The following BCKDHB variants were observed in gnomAD, a reference collection of about 807,000 sequenced individuals.
BCKDHB encodes branched chain keto acid dehydrogenase E1 subunit beta.
A neutral mutation model predicts 48.5 loss-of-function variants in BCKDHB; 41 were observed. The ratio of observed to expected loss-of-function variants is 0.85; its 90% CI spans 0.66 to 1.10. The LOEUF (loss-of-function observed/expected upper bound fraction) is 1.10, where lower values mean the gene tolerates loss of function less well. Among genes scored for constraint, BCKDHB ranks in the 50% least tolerant of loss-of-function variants. The pLI is 0.00. For missense variants in BCKDHB, 496 were observed against 494.2 expected, an observed-to-expected ratio of 1.00 and a Z score of -0.03; for synonymous variants, 201 against 174.8, an observed-to-expected ratio of 1.15 and a Z score of -1.18.
chr6:80,460,731 T>G, the BCKDHB span, among the ~76,000 whole-genome samples: 2 of 152,154 alleles, frequency 1.3e-5, no homozygotes, highest in African/African-American at 4.8e-5. Flanking sequence ...CTCAAAACTC[T>G]GCTGAGTTAA....
At chr6:80,372,893 T>A in the BCKDHB span, among the ~76,000 whole-genome samples, 1 of 152,158 alleles carries the variant, frequency 6.6e-6, no homozygotes, top group Admixed American at 6.5e-5. Context: ...TCATCAGGGA[T>A]CTTGGTCTGT....
chr6:80,152,166 T>G (rs937567190), intron 3 of BCKDHB, among the ~76,000 whole-genome samples: 1 of 152,166 alleles, frequency 6.6e-6, no homozygotes, highest in African/African-American at 2.4e-5. Context: ...TATTCTTTTT[T>G]TTTTTAATCT....
At chr6:80,295,949 G>A (rs74730001) in intron 9 of BCKDHB, among the ~76,000 whole-genome samples, 2,444 of 152,242 alleles carry the variant, frequency 0.016, 60 homozygotes, top group African/African-American at 0.056. Flanking sequence ...TAAAATACAG[G>A]AGTATACTTT....
chr6:80,381,046 T>C, the BCKDHB span, among the ~76,000 whole-genome samples: 1 of 152,118 alleles, frequency 6.6e-6, no homozygotes, highest in Middle Eastern at 3.4e-3. Flanking sequence ...TCATATCTTA[T>C]GTCTGGAAGG....
At chr6:80,170,258 C>T (rs979075630) in intron 5 of BCKDHB, among the ~76,000 whole-genome samples, 1 of 152,084 alleles carries the variant, frequency 6.6e-6, no homozygotes, top group African/African-American at 2.4e-5. Context: ...AAATAAAACC[C>T]TTCAATAAAA....
the BCKDHB span, among the ~76,000 whole-genome samples, chr6:80,439,505 T>C: frequency 6.6e-6 from 1 of 152,204 alleles, no homozygotes; most frequent in African/African-American, 2.4e-5. Flanking sequence ...AAGCATTTCT[T>C]CTTATCTGTG....
chr6:80,432,459 C>T, the BCKDHB span, among the ~76,000 whole-genome samples: 7 of 152,004 alleles, frequency 4.6e-5, no homozygotes, highest in East Asian at 1.2e-3. Flanking sequence ...TCCTTTCTTC[C>T]GCTTGTTCGA....
At chr6:80,462,491 C>T in the BCKDHB span, among the ~76,000 whole-genome samples, 1 of 152,164 alleles carries the variant, frequency 6.6e-6, no homozygotes, top group Non-Finnish European at 1.5e-5. Flanking sequence ...GCTGATGTGC[C>T]TTCAGCTCAC....
chr6:80,237,236 A>C (rs1300201164), intron 8 of BCKDHB, among the ~76,000 whole-genome samples: 1 of 152,190 alleles, frequency 6.6e-6, no homozygotes, highest in Non-Finnish European at 1.5e-5. Flanking sequence ...GGCCTTAGGA[A>C]ATAATGAGCA....
At chr6:80,195,453 G>C (rs1013110108) in intron 6 of BCKDHB, among the ~76,000 whole-genome samples, 2 of 152,086 alleles carry the variant, frequency 1.3e-5, no homozygotes, top group African/African-American at 4.8e-5. Flanking sequence ...TAACCTCAAA[G>C]CTGAAAGGAG....
intron 3 of BCKDHB, among the ~76,000 whole-genome samples, chr6:80,138,166 T>G (rs1470830006): frequency 6.6e-6 from 1 of 152,066 alleles, no homozygotes; most frequent in Non-Finnish European, 1.5e-5. Flanking sequence ...GTGGAGTTGC[T>G]CAGTGGCAAG....
chr6:80,250,418 A>G (rs1776788845), intron 8 of BCKDHB, among the ~76,000 whole-genome samples: 1 of 152,188 alleles, frequency 6.6e-6, no homozygotes, highest in Admixed American at 6.6e-5. Context: ...TGCAACATGT[A>G]TTCAGTCCAC....
At chr6:80,272,472 G>C (rs927509686) in intron 8 of BCKDHB, among the ~76,000 whole-genome samples, 1 of 152,076 alleles carries the variant, frequency 6.6e-6, no homozygotes, top group Non-Finnish European at 1.5e-5. Flanking sequence ...TGATATCATT[G>C]CTATACTTTT....
the BCKDHB span, among the ~76,000 whole-genome samples, chr6:80,442,707 G>C: frequency 9.9e-5 from 15 of 152,136 alleles, no homozygotes; most frequent in Non-Finnish European, 2.1e-4. Flanking sequence ...CACACTCAAG[G>C]CTAAGCTAGT....
chr6:80,193,133 A>G (rs6940508), intron 6 of BCKDHB, among the ~76,000 whole-genome samples: 5,285 of 152,200 alleles, frequency 0.035, 313 homozygotes, highest in African/African-American at 0.12. Context: ...ATATTTGGCA[A>G]CTATTTTGAA....
the BCKDHB span, among the ~76,000 whole-genome samples, chr6:80,425,749 A>G: frequency 2.6e-5 from 4 of 152,264 alleles, no homozygotes; most frequent in South Asian, 4.1e-4. Context: ...AATGTTTATC[A>G]TGCTGTGTTT....
the BCKDHB span, among the ~76,000 whole-genome samples, chr6:80,402,423 A>G: frequency 9.2e-5 from 14 of 151,834 alleles, no homozygotes; most frequent in Admixed American, 7.2e-4. Context: ...ATAAGTTTCT[A>G]TTCAGATTCT....
intron 9 of BCKDHB, among the ~76,000 whole-genome samples, chr6:80,291,271 A>G (rs1056174005): frequency 2.0e-5 from 3 of 152,150 alleles, no homozygotes; most frequent in Admixed American, 6.5e-5. Context: ...TAACTTCTTG[A>G]TGCTGAAAAG....
the BCKDHB span, among the ~76,000 whole-genome samples, chr6:80,433,425 G>A: frequency 3.3e-5 from 5 of 152,144 alleles, no homozygotes; most frequent in African/African-American, 1.2e-4. Context: ...GCTCCACCCA[G>A]TTCAAACTTC....
Sources: gnomAD v4.1 joint callset for allele counts (sites outside exome capture counted in the v4.1 genomes callset) on GRCh38, gnomAD v4.1.1 for gene constraint, MANE v1.5 for transcripts, NCBI Gene and HGNC (gene_info 2026-07-23, HGNC 2026-07-21) for gene names.